NDE1: variants seen among roughly 807,000 people sequenced by gnomAD.
NDE1 encodes nuclear distribution protein nudE homolog 1.
Under a neutral mutation model 43.4 loss-of-function variants are expected in NDE1, and 28 were observed. The ratio of observed to expected loss-of-function variants is 0.65; its 90% CI spans 0.48 to 0.89. NDE1 has a LOEUF of 0.89. Ranked by LOEUF, NDE1 falls within the 40% of genes least tolerant of loss-of-function variation. The pLI is 0.00. For missense variants in NDE1, 441 were observed against 434.1 expected (o/e 1.02, Z -0.14); for synonymous variants, 184 against 172.0 (o/e 1.07, Z -0.55).
chr16:15,694,468 C>G, intron 7 of NDE1: 1 of 1,336,596 alleles, frequency 7.5e-7, no homozygotes, highest in Non-Finnish European at 1.0e-6. Context: ...ACCTTAGCTT[C>G]CCGAGGAGCT....
chr16:15,654,545 G>A (rs2036660346), intron 1 of NDE1, among the ~76,000 whole-genome samples: 1 of 136,106 alleles, frequency 7.3e-6, no homozygotes, highest in Non-Finnish European at 1.5e-5. Flanking sequence ...AGGTTGCAGT[G>A]AGCTGAGATC....
rs551255307 is a variant in NDE1, at chr16:15,704,765, C to A, written c.947+7905C>A. Among the ~76,000 whole-genome samples, 98 of 152,272 alleles carry A rather than the reference C, an allele frequency of 6.4e-4. 2 individuals are homozygous for A. In the South Asian group the frequency reaches 0.012, roughly 19 times the overall value. On this transcript the variant is annotated intron_variant, in intron 8 of 8. Transcript: ENST00000396354. The stretch of plus-strand genomic sequence containing the variant: ...GGACTGCTGCATCTGTTTTGCTGAT[C>A]GTGGAACATACCGCACATGGCGTAA...
At chr16:15,721,006 C>T (rs1175105709) in intron 8 of NDE1, 1 of 1,614,120 alleles carries the variant, frequency 6.2e-7, no homozygotes, top group East Asian at 2.2e-5. Flanking sequence ...TTCATCTCCT[C>T]CATCTGGGTC....
At position 15,667,379 on chromosome 16, in the gene NDE1, C is replaced by A. The variant is rs925775558; in HGVS notation, c.177C>A (p.Thr59=). ...AGACGCAGCTGCAACAAATTGAAAC[C>A]AGGAACAGAGACCTCCTGTCCGAAA... ...ELETQLQQIE[T]RNRDLLSENN... is the part of the protein sequence containing the mutation. Residue 59 remains threonine (T), a synonymous_variant, in exon 3 of 9, where the codon ACC becomes ACA. Transcript: ENST00000396354. The A allele has an allele frequency of 1.2e-6, 2 of 1,613,992 alleles. No individual in the cohort carries two copies. The highest frequency in any genetic ancestry group is 1.7e-6 in the Non-Finnish European group (2 of 1,179,976).
intron 7 of NDE1, 125 bp downstream of exon 7, chr16:15,694,381 T>A (rs899338836): frequency 7.8e-6 from 12 of 1,536,036 alleles, no homozygotes; most frequent in Non-Finnish European, 1.0e-5. Flanking sequence ...GGTCTTGCTC[T>A]GTTGCTCAGG....
At chr16:15,708,494 T>C (rs1468571755) in intron 8 of NDE1, among the ~76,000 whole-genome samples, 1 of 152,010 alleles carries the variant, frequency 6.6e-6, no homozygotes, top group African/African-American at 2.4e-5. Context: ...GGAAGAAAAA[T>C]CCAAGCTACA....
intron 1 of NDE1, among the ~76,000 whole-genome samples, chr16:15,654,623 A>C (rs568700060): frequency 2.7e-5 from 4 of 146,130 alleles, no homozygotes; most frequent in South Asian, 2.1e-4. Context: ...AAAACAAAAA[A>C]AAAAAAAACA....
chr16:15,654,307 C>T (rs1419003747), intron 1 of NDE1, among the ~76,000 whole-genome samples: 1 of 151,880 alleles, frequency 6.6e-6, no homozygotes, highest in African/African-American at 2.4e-5. Context: ...CCTTTTAAAA[C>T]ACTATGTGAG....
chr16:15,674,071 G>A (rs1195692934), intron 3 of NDE1, among the ~76,000 whole-genome samples: 1 of 152,122 alleles, frequency 6.6e-6, no homozygotes. Flanking sequence ...TAGCCTGGAG[G>A]CCAGCACAGA....
intron 1 of NDE1, among the ~76,000 whole-genome samples, chr16:15,654,369 G>T (rs2036649437): frequency 6.6e-6 from 1 of 151,964 alleles, no homozygotes; most frequent in African/African-American, 2.4e-5. Flanking sequence ...GGAGGCCTAG[G>T]TGGGCAGATC....
At chr16:15,673,237 G>A (rs2037691220) in intron 3 of NDE1, among the ~76,000 whole-genome samples, 1 of 151,772 alleles carries the variant, frequency 6.6e-6, no homozygotes. Context: ...TTTTTGAGAT[G>A]GGGTCTCTGT....
intron 2 of NDE1, among the ~76,000 whole-genome samples, chr16:15,666,541 C>G (rs538214089): frequency 1.3e-5 from 2 of 152,102 alleles, no homozygotes; most frequent in South Asian, 4.2e-4. Flanking sequence ...CCTGGGAGGT[C>G]GAGGCTGCAG....
Position 15,725,891 on chromosome 16 carries a change from A to G in NDE1, c.*1640A>G. The G allele has an allele frequency of 2.6e-6, 1 of 390,724 alleles. No homozygotes were observed. Among genetic ancestry groups the G allele is most frequent in the Non-Finnish European group, 4.5e-6 (1 of 221,678 alleles). 24.2% of individuals were successfully genotyped at this position (390,724 alleles called of 1,614,324 possible). ...CAGAGTAAGGATCAACATACATGTA[A>G]TAGGTTCTCAAAAGCCCTACATCAT... On this transcript the variant is annotated 3_prime_UTR_variant, in exon 9 of 9. Coordinates refer to ENST00000396354, the MANE Select transcript of NDE1 (RefSeq NM_017668.3).
intron 3 of NDE1, among the ~76,000 whole-genome samples, chr16:15,668,849 G>C (rs907722621): frequency 6.6e-6 from 1 of 152,058 alleles, no homozygotes; most frequent in East Asian, 1.9e-4. Context: ...ATTGGAGCCC[G>C]GATCATCCTC....
At chr16:15,711,700 A>AT (rs566889735) in intron 8 of NDE1, among the ~76,000 whole-genome samples, 41 of 150,000 alleles carry the variant, frequency 2.7e-4, no homozygotes, top group South Asian at 1.5e-3. Context: ...GACACTGGAG[A>AT]TTTTTTTTTT....
At chr16:15,687,562 G>T (rs1332112902) in intron 5 of NDE1, 51 bp downstream of exon 5, 1 of 1,501,598 alleles carries the variant, frequency 6.7e-7, no homozygotes, top group Non-Finnish European at 9.3e-7. Context: ...CCCTACCTGA[G>T]CAACATCTTG....
intron 8 of NDE1, among the ~76,000 whole-genome samples, chr16:15,723,945 A>G (rs1344595971): frequency 6.6e-6 from 1 of 152,190 alleles, no homozygotes; most frequent in African/African-American, 2.4e-5. Context: ...TACCCAGAAA[A>G]GTCACAGTCA....
At chr16:15,710,202 A>C (rs1294736087) in intron 8 of NDE1, among the ~76,000 whole-genome samples, 2 of 152,132 alleles carry the variant, frequency 1.3e-5, no homozygotes, top group Non-Finnish European at 2.9e-5. Flanking sequence ...GGCAGAACCC[A>C]CAGGAGGTGT....
In NDE1 at chr16:15,717,304, G is replaced by A. The variant is rs148113907; in HGVS notation, c.948-6887G>A. On this transcript the variant is annotated intron_variant, in intron 8 of 8. Coordinates refer to ENST00000396354, the MANE Select transcript of NDE1 (RefSeq NM_017668.3). ...GCTGCCGGGCACTCTCATTCTTCTG[G>A]GCCGTGCTGCGCTCTGTGGCCAGCT... The A allele has an allele frequency of 1.2e-6, 2 of 1,612,248 alleles. No individual in the cohort carries two copies. Among genetic ancestry groups the A allele is most frequent in the African/African-American group, 2.7e-5 (2 of 74,936 alleles).
Sources: allele counts gnomAD v4.1 joint callset (sites outside exome capture counted in the v4.1 genomes callset), GRCh38; gene constraint gnomAD v4.1.1; transcripts MANE v1.5; gene names NCBI Gene and HGNC (gene_info 2026-07-23, HGNC 2026-07-21).